The following NAA15 variants were observed in gnomAD, a reference collection of about 807,000 sequenced individuals.
The protein encoded by NAA15 is N-alpha-acetyltransferase 15, NatA auxiliary subunit.
A neutral mutation model predicts 114.0 loss-of-function variants in NAA15; 34 were observed. The ratio of observed to expected loss-of-function variants is 0.30; its 90% confidence interval spans 0.23 to 0.40. NAA15 has a LOEUF of 0.40. Among genes scored for constraint, NAA15 ranks in the 10% least tolerant of loss-of-function variants. NAA15 has a pLI of 1.00. For missense variants in NAA15, 658 were observed against 1,004.5 expected (o/e 0.66, Z 4.66); for synonymous variants, 340 against 338.0 (o/e 1.01, Z -0.06).
intron 4 of NAA15, among the ~76,000 whole-genome samples, chr4:139,341,555 C>A (rs1241920149): frequency 8.0e-6 from 1 of 124,890 alleles, no homozygotes; most frequent in Non-Finnish European, 1.6e-5. Flanking sequence ...GATCACGCCA[C>A]TGCACTCCGG....
Position 139,341,034 on chromosome 4 carries a change from C to G in NAA15, c.367C>G (p.Leu123Val). The G allele has an allele frequency of 6.3e-7, 1 of 1,592,080 alleles. No individual in the cohort carries two copies. Among genetic ancestry groups the G allele is most frequent in the Non-Finnish European group, 8.5e-7 (1 of 1,171,196 alleles). ...NLQILRDLSLLQIQMRDLEGY... is the reference protein window; with the variant it reads ...NLQILRDLSLVQIQMRDLEGY... ...TCAAATCTTAAGGGACCTTTCCTTA[C>G]TACAGATTCAAATGCGAGATCTTGA... The change falls in exon 4 of 20, where the codon CTA (leucine) becomes GTA (valine). Residue 123 changes from leucine (L) to valine (V), a missense_variant. Physicochemically the swap from Leu to Val is conservative, Grantham distance 32. Coordinates refer to ENST00000296543, the MANE Select transcript of NAA15 (RefSeq NM_057175.5).
chr4:139,317,497 T>C (rs973273196), intron 1 of NAA15, among the ~76,000 whole-genome samples: 3 of 152,182 alleles, frequency 2.0e-5, no homozygotes, highest in African/African-American at 7.2e-5. Flanking sequence ...GGCACATGCC[T>C]GCAATCCCAG....
intron 14 of NAA15, among the ~76,000 whole-genome samples, chr4:139,368,517 A>C (rs766691702): frequency 3.2e-4 from 49 of 152,230 alleles, no homozygotes; most frequent in African/African-American, 1.1e-3. Context: ...CAGAGGCATC[A>C]GTTCTTGGCC....
chr4:139,381,223 T>G (rs957868439), intron 17 of NAA15, among the ~76,000 whole-genome samples: 3 of 152,180 alleles, frequency 2.0e-5, no homozygotes, highest in African/African-American at 7.2e-5. Flanking sequence ...GGATGATATA[T>G]TTAATACCCT....
chr4:139,361,719 G>A lies in NAA15; in HGVS notation c.1540-5G>A. On this transcript the variant is annotated splice_region_variant and splice_polypyrimidine_tract_variant and intron_variant, in intron 13 of 19. Coordinates refer to ENST00000296543, the MANE Select transcript of NAA15 (RefSeq NM_057175.5). ...GGTATAATAATAAAAAGATAATTTT[G>A]TTAGCATTTTATAGAAATCACTGAT... The A allele has an allele frequency of 6.5e-7, 1 of 1,528,440 alleles. No homozygotes were observed. The highest frequency in any genetic ancestry group is 8.9e-7 in the Non-Finnish European group (1 of 1,126,546). The allele number at this position is 1,528,440 out of a possible 1,614,324, so 94.7% of individuals were successfully genotyped here. A position where few individuals can be genotyped will look rare whatever the true frequency, so the allele number is the denominator to read the frequency against.
At chr4:139,347,988 C>T (rs1384885223) in intron 6 of NAA15, among the ~76,000 whole-genome samples, 3 of 148,418 alleles carry the variant, frequency 2.0e-5, no homozygotes, top group Non-Finnish European at 3.0e-5. Flanking sequence ...GCCGAGATTG[C>T]GCCACTGCAG....
chr4:139,336,839 T>C lies in NAA15; in HGVS notation c.140-9T>C, dbSNP rs1230156272. The C allele has an allele frequency of 6.7e-7, 1 of 1,483,144 alleles. No individual in the cohort carries two copies. Among genetic ancestry groups the C allele is most frequent in the African/African-American group, 1.4e-5 (1 of 69,986 alleles). The allele number at this position is 1,483,144 out of a possible 1,614,324, so 91.9% of individuals were successfully genotyped here. On this transcript the variant is annotated splice_polypyrimidine_tract_variant and intron_variant, in intron 2 of 19. Coordinates refer to ENST00000296543, the MANE Select transcript of NAA15 (RefSeq NM_057175.5). ...AAATGTTCCTTTTCTTCTTTGTTTT[T>C]GAAAATAGAAACCTTGGCTATGAAA...
At chr4:139,301,893 C>T in intron 1 of NAA15, 62 bp downstream of exon 1, 1 of 1,522,042 alleles carries the variant, frequency 6.6e-7, no homozygotes, top group Non-Finnish European at 8.9e-7. Flanking sequence ...GCCTGTCACC[C>T]CTAACCTCGG....
At chr4:139,384,392 C>T (rs1467297241) in intron 17 of NAA15, among the ~76,000 whole-genome samples, 1 of 152,162 alleles carries the variant, frequency 6.6e-6, no homozygotes, top group Non-Finnish European at 1.5e-5. Context: ...GTGGGTGGAT[C>T]ACTGAAGCCT....
At chr4:139,315,903 C>T (rs192830589) in intron 1 of NAA15, among the ~76,000 whole-genome samples, 1 of 149,862 alleles carries the variant, frequency 6.7e-6, no homozygotes, top group South Asian at 2.1e-4. Flanking sequence ...TAGGTTTCTT[C>T]TATTTGGTTT....
chr4:139,351,730 C>G, intron 9 of NAA15, 119 bp downstream of exon 9: 1 of 536,196 alleles, frequency 1.9e-6, no homozygotes, highest in Non-Finnish European at 3.3e-6. Context: ...TGTCAGTCTT[C>G]CCAGTTTGCA....
At chr4:139,377,808 A>G (rs1748632660) in intron 16 of NAA15, among the ~76,000 whole-genome samples, 2 of 152,228 alleles carry the variant, frequency 1.3e-5, no homozygotes, top group African/African-American at 4.8e-5. Flanking sequence ...AAATAGTCCA[A>G]TAATTCTCAA....
chr4:139,316,268 AT>A (rs1746407225), intron 1 of NAA15, among the ~76,000 whole-genome samples: 1 of 151,902 alleles, frequency 6.6e-6, no homozygotes, highest in Non-Finnish European at 1.5e-5. Context: ...GATATAAAAT[AT>A]TTGATTCACA....
intron 1 of NAA15, among the ~76,000 whole-genome samples, chr4:139,314,756 C>T (rs1746325540): frequency 1.3e-5 from 2 of 151,808 alleles, no homozygotes; most frequent in South Asian, 4.1e-4. Context: ...TGGCTTACCT[C>T]AACCTCTGCC....
In NAA15 at chr4:139,321,047, T is replaced by G. The variant is rs57528000; in HGVS notation, c.55-13127T>G. Among the ~76,000 whole-genome samples the G allele has an allele frequency of 1.5e-3, 226 of 151,362 alleles. 4 individuals are homozygous for G. The East Asian group carries it at 0.035, about 23-fold the overall frequency. On this transcript the variant is annotated intron_variant, in intron 1 of 19. Transcript: ENST00000296543. ...TGTGTCTAGCTAGAGATTTATTCAT[T>G]TTTTTTTTGATCTTCTCAAAGAACC...
At chr4:139,359,614 T>G in intron 11 of NAA15, 129 bp from the exon 12 acceptor site, 2 of 771,240 alleles carry the variant, frequency 2.6e-6, no homozygotes, top group South Asian at 2.0e-5. Flanking sequence ...TTATATTGAT[T>G]AGCATCTAAG....
At chr4:139,344,413 C>T in intron 6 of NAA15, 74 bp downstream of exon 6, 1 of 1,224,478 alleles carries the variant, frequency 8.2e-7, no homozygotes, top group Non-Finnish European at 1.2e-6. Flanking sequence ...CTAGTTGCTG[C>T]TGACAGTTTC....
At chr4:139,387,134 C>T (rs538031230) in intron 19 of NAA15, among the ~76,000 whole-genome samples, 1 of 152,284 alleles carries the variant, frequency 6.6e-6, no homozygotes, top group South Asian at 2.1e-4. Flanking sequence ...AATCTAGGTC[C>T]TTTGTAACCT....
In NAA15 at chr4:139,342,899, A is replaced by T; in HGVS notation, c.476A>T (p.His159Leu). Residue 159 changes from histidine (H) to leucine (L), a missense_variant, in exon 5 of 20, where the codon CAT becomes CTT. Physicochemically the swap from His to Leu is moderately conservative, Grantham distance 99. This residue lies in a region of NAA15 where 75 missense variants were observed against 172.3 expected (regional missense o/e 0.44). Transcript: ENST00000296543. ...ASWIGYAIAY[H>L]LLEDYEMAAK... ...TGGATTGGTTATGCTATTGCTTACC[A>T]TTTATTAGAAGATTATGAAATGGCA... 1 of 1,613,482 alleles carries T rather than the reference A, an allele frequency of 6.2e-7. No homozygotes were observed. The highest frequency in any genetic ancestry group is 8.5e-7 in the Non-Finnish European group (1 of 1,179,406).
Sources: gnomAD v4.1 joint callset for allele counts (sites outside exome capture counted in the v4.1 genomes callset) on GRCh38, gnomAD v4.1.1 for gene constraint, gnomAD v4.1.1 regional missense constraint, MANE v1.5 for transcripts, NCBI Gene and HGNC (gene_info 2026-07-23, HGNC 2026-07-21) for gene names.